MDGA1: variants seen among roughly 807,000 people sequenced by gnomAD.
MDGA1 encodes MAM domain-containing glycosylphosphatidylinositol anchor protein 1.
A neutral mutation model predicts 101.5 loss-of-function variants in MDGA1; 54 were observed. The ratio of observed to expected loss-of-function variants is 0.53; its 90% CI spans 0.43 to 0.67. The LOEUF (loss-of-function observed/expected upper bound fraction) is 0.67. Ranked by LOEUF, MDGA1 falls within the 30% of genes least tolerant of loss-of-function variation. MDGA1 has a pLI of 0.00. For synonymous variants in MDGA1, 533 were observed against 558.3 expected, an observed-to-expected ratio of 0.95 and a Z score of 0.64; for missense variants, 1,083 against 1,323.8, an observed-to-expected ratio of 0.82 and a Z score of 2.82.
intron 1 of MDGA1, among the ~76,000 whole-genome samples, chr6:37,694,999 G>C (rs987971401): frequency 1.3e-5 from 2 of 152,020 alleles, no homozygotes; most frequent in Admixed American, 6.6e-5. Context: ...CACTCTCATT[G>C]CTGGGTTTAC....
In MDGA1 at chr6:37,646,216, T is replaced by C. The variant is rs775727180; in HGVS notation, c.2206A>G (p.Ile736Val). 6.3e-7 allele frequency: 1 copy of C among 1,586,686 alleles called. No individual in the cohort carries two copies. The highest frequency in any genetic ancestry group is 2.3e-5 in the East Asian group (1 of 44,438). Residue 736 changes from isoleucine to valine, a missense_variant, in exon 11 of 17, where the codon ATC becomes GTC. Ile to Val is a conservative substitution (Grantham distance 29). Around this residue, in one of 3 missense-constraint regions of MDGA1, gnomAD observed 657 missense variants for 771.4 expected, o/e 0.85. Transcript: ENST00000434837. ...CACCTACGCTCTGTGTAGTGGATGA[T>C]GCGGGAGGCCATGTCACCAGCCCCG... ...TFGAGDMASR[I>V]IHYTEPINSP...
chr6:37,658,712 C>T (rs977236292), intron 2 of MDGA1, among the ~76,000 whole-genome samples: 10 of 152,320 alleles, frequency 6.6e-5, no homozygotes, highest in Middle Eastern at 3.4e-3. Flanking sequence ...TGGCTCACGC[C>T]ACTAATCCCA....
intron 6 of MDGA1, among the ~76,000 whole-genome samples, chr6:37,654,037 A>C (rs888318412): frequency 6.6e-6 from 1 of 152,212 alleles, no homozygotes; most frequent in Non-Finnish European, 1.5e-5. Flanking sequence ...TTGAGGTTAC[A>C]TTTGGAAATG....
At chr6:37,656,779 G>A (rs1256483821) in intron 3 of MDGA1, among the ~76,000 whole-genome samples, 1 of 152,186 alleles carries the variant, frequency 6.6e-6, no homozygotes, top group Non-Finnish European at 1.5e-5. Flanking sequence ...GATGGAGGAA[G>A]CAGCTGCTTC....
At chr6:37,664,326 C>T in intron 1 of MDGA1, 2 of 554,442 alleles carry the variant, frequency 3.6e-6, no homozygotes, top group Non-Finnish European at 6.4e-6. Context: ...TTCCCCAACC[C>T]CTTGCAAGAG....
At chr6:37,672,372 C>T (rs994625997) in intron 1 of MDGA1, among the ~76,000 whole-genome samples, 2 of 151,662 alleles carry the variant, frequency 1.3e-5, no homozygotes, top group African/African-American at 2.4e-5. Context: ...CTCAGGAGAT[C>T]GAGGCTGCAG....
chr6:37,635,419 G>A lies in MDGA1; in HGVS notation c.*1949C>T, dbSNP rs1437711107. 4 of 398,356 alleles carry A rather than the reference G, an allele frequency of 1.0e-5. No homozygotes were observed. Among genetic ancestry groups the A allele is most frequent in the East Asian group, 7.1e-5 (2 of 28,090 alleles). 24.7% of individuals were successfully genotyped at this position (398,356 alleles called of 1,614,324 possible). A position where few individuals can be genotyped will look rare whatever the true frequency, so the allele number is the denominator to read the frequency against. Reference sequence around the variant, plus strand: ...ATGGGACAGTTAAGGAACAATACCCGACAGACGCGATGGAAGTGTATGCTG... The same window carrying A: ...ATGGGACAGTTAAGGAACAATACCCAACAGACGCGATGGAAGTGTATGCTG... On this transcript the variant is annotated 3_prime_UTR_variant, in exon 17 of 17. Transcript: ENST00000434837.
intron 1 of MDGA1, among the ~76,000 whole-genome samples, chr6:37,679,018 A>G (rs1477119950): frequency 3.9e-5 from 6 of 152,116 alleles, no homozygotes; most frequent in Non-Finnish European, 5.9e-5. Context: ...GTTTAGGAGC[A>G]TATTTTCTTT....
At position 37,638,762 on chromosome 6, in the gene MDGA1, C is replaced by T; in HGVS notation, c.2537-95G>A. 5 of 1,486,204 alleles carry T rather than the reference C, an allele frequency of 3.4e-6. No homozygotes were observed. Among genetic ancestry groups the T allele is most frequent in the Non-Finnish European group, 4.5e-6 (5 of 1,104,032 alleles). 92.1% of individuals were successfully genotyped at this position (1,486,204 alleles called of 1,614,324 possible). A position where few individuals can be genotyped will look rare whatever the true frequency, so the allele number is the denominator to read the frequency against. ...AGCCCTCTTCTCCCACCATAGCCTGCAGCCCTGTCCCTGTTGACAGGACCT... is the reference window on the plus strand; with the variant it reads ...AGCCCTCTTCTCCCACCATAGCCTGTAGCCCTGTCCCTGTTGACAGGACCT... On this transcript the variant is annotated intron_variant, in intron 14 of 16. Coordinates refer to ENST00000434837, the MANE Select transcript of MDGA1 (RefSeq NM_153487.4). The surrounding 1 kb of genome is among the most constrained non-coding windows in gnomAD (Gnocchi z 4.8).
rs2114121619 is a variant in MDGA1 at position 37,696,051 on chromosome 6, G to C, written c.67+694C>G. ...GCAGAGTTTGGACACGTATCCCGGT[G>C]GGTGCGTGCCGTGTTTGCGTTTTCT... On this transcript the variant is annotated intron_variant, in intron 1 of 16. Coordinates refer to ENST00000434837, the MANE Select transcript of MDGA1 (RefSeq NM_153487.4). This position sits in a 1 kb window ranked among gnomAD's most constrained non-coding sequence, Gnocchi z 5.6. Among the ~76,000 whole-genome samples the C allele has an allele frequency of 6.6e-6, 1 of 152,334 alleles. No individual in the cohort carries two copies. Among genetic ancestry groups the C allele is most frequent in the South Asian group, 2.1e-4 (1 of 4,814 alleles).
At chr6:37,651,946 C>A in intron 7 of MDGA1, 65 bp downstream of exon 7, 1 of 1,376,528 alleles carries the variant, frequency 7.3e-7, no homozygotes, top group Non-Finnish European at 9.7e-7. Context: ...TGCCTCCCCA[C>A]TACCTCCTGT....
intron 2 of MDGA1, among the ~76,000 whole-genome samples, chr6:37,660,005 A>G (rs560251726): frequency 3.3e-5 from 5 of 149,434 alleles, no homozygotes; most frequent in South Asian, 2.1e-4. Context: ...CCTTTTTTCA[A>G]TTCTACAAAA....
At chr6:37,653,975 T>C (rs918473921) in intron 6 of MDGA1, among the ~76,000 whole-genome samples, 2 of 142,056 alleles carry the variant, frequency 1.4e-5, no homozygotes, top group Admixed American at 1.4e-4. Context: ...TTTCCCAATC[T>C]TAAAAAAAAA....
chr6:37,696,626 G>T lies in MDGA1; in HGVS notation c.67+119C>A. On this transcript the variant is annotated intron_variant, in intron 1 of 16. Transcript: ENST00000434837. The surrounding 1 kb of genome is among the most constrained non-coding windows in gnomAD (Gnocchi z 5.6). The stretch of plus-strand genomic sequence containing the variant: ...CGCCCTGGAGAGGGCGGGGACGCGG[G>T]CATCCACTCCAGAGTCCGAGTCGAG... The T allele has an allele frequency of 1.1e-6, 1 of 949,314 alleles. No individual in the cohort carries two copies. The highest frequency in any genetic ancestry group is 1.5e-5 in the South Asian group (1 of 66,900). 58.8% of individuals were successfully genotyped at this position (949,314 alleles called of 1,614,324 possible).
chr6:37,654,680 G>A (rs1761442094), intron 5 of MDGA1, 120 bp downstream of exon 5: 4 of 1,534,770 alleles, frequency 2.6e-6, no homozygotes, highest in African/African-American at 1.4e-5. Flanking sequence ...AGCAGGAAGA[G>A]GAGGGGAGGG....
At chr6:37,676,003 A>G (rs1175150086) in intron 1 of MDGA1, among the ~76,000 whole-genome samples, 2 of 152,252 alleles carry the variant, frequency 1.3e-5, no homozygotes, top group Non-Finnish European at 1.5e-5. Context: ...TAACTAGAGA[A>G]TGGACATAAC....
At chr6:37,681,700 T>A (rs1464002963) in intron 1 of MDGA1, among the ~76,000 whole-genome samples, 1 of 152,242 alleles carries the variant, frequency 6.6e-6, no homozygotes, top group Non-Finnish European at 1.5e-5. Context: ...CAGCTTCTGT[T>A]GAGGTACCAA....
At chr6:37,643,425 A>T (rs1764139343) in intron 14 of MDGA1, 2 of 178,646 alleles carry the variant, frequency 1.1e-5, no homozygotes, top group South Asian at 1.3e-4. Context: ...GGCACCCACG[A>T]CCACACCCAG....
rs773328131 is a variant in MDGA1, at chr6:37,652,084, G to A, written c.1239C>T (p.Tyr413=). 44 of 1,613,486 alleles carry A rather than the reference G, an allele frequency of 2.7e-5. No individual in the cohort carries two copies. The highest frequency in any genetic ancestry group is 3.6e-5 in the Non-Finnish European group (43 of 1,179,850). The change falls in exon 7 of 17, where the codon TAC becomes TAT. Residue 413 remains tyrosine, a synonymous_variant. Coordinates refer to ENST00000434837, the MANE Select transcript of MDGA1 (RefSeq NM_153487.4). The surrounding 1 kb of genome is among the most constrained non-coding windows in gnomAD (Gnocchi z 4.3). The part of the protein sequence containing the change: ...IDLHFSDYGT[Y]LCMASFPGAP... Reference sequence around the variant, plus strand: ...CCCCTGGGAAAGAAGCCATGCACAGGTAGGTGCCATAGTCACTGAAGTGCA... The same window carrying A: ...CCCCTGGGAAAGAAGCCATGCACAGATAGGTGCCATAGTCACTGAAGTGCA...
Sources: gnomAD v4.1 joint callset for allele counts (sites outside exome capture counted in the v4.1 genomes callset) on GRCh38, gnomAD v4.1.1 for gene constraint, gnomAD v4.1.1 regional missense constraint, Gnocchi (gnomAD v3.1) non-coding constraint, MANE v1.5 for transcripts, NCBI Gene and HGNC (gene_info 2026-07-23, HGNC 2026-07-21) for gene names.